Variants in CHCHD3 observed in about 807,000 individuals in gnomAD.
CHCHD3 encodes MICOS complex subunit MIC19.
Under a neutral mutation model 38.2 loss-of-function variants are expected in CHCHD3, and 20 were observed. That is an observed-to-expected ratio of 0.52 (90% CI 0.37 to 0.76). CHCHD3 has a LOEUF of 0.76. CHCHD3 is among the 30% of genes least tolerant of loss of function. CHCHD3 has a pLI of 0.00. For synonymous variants in CHCHD3, 82 were observed against 100.0 expected (o/e 0.82, Z 1.07); for missense variants, 245 against 279.2 (o/e 0.88, Z 0.87).
intron 4 of CHCHD3, among the ~76,000 whole-genome samples, chr7:132,893,824 T>G (rs943737276): frequency 1.3e-5 from 2 of 152,180 alleles, no homozygotes; most frequent in African/African-American, 2.4e-5. Context: ...CTGCTTCCCC[T>G]TTGCCTTCTG....
intron 6 of CHCHD3, among the ~76,000 whole-genome samples, chr7:132,823,979 T>G (rs1438856783): frequency 6.6e-6 from 1 of 152,160 alleles, no homozygotes; most frequent in Non-Finnish European, 1.5e-5. Context: ...TTTCCTCAAC[T>G]CTCTCCTCCC....
At chr7:133,040,734 C>T (rs1813811242) in intron 2 of CHCHD3, among the ~76,000 whole-genome samples, 1 of 152,158 alleles carries the variant, frequency 6.6e-6, no homozygotes, top group Non-Finnish European at 1.5e-5. Flanking sequence ...ATGCTTTTCA[C>T]TTGTTAATAT....
At chr7:132,951,894 A>G (rs1280540765) in intron 4 of CHCHD3, among the ~76,000 whole-genome samples, 1 of 152,200 alleles carries the variant, frequency 6.6e-6, no homozygotes. Flanking sequence ...AGAGCCCATA[A>G]ATCATGTCTT....
intron 4 of CHCHD3, among the ~76,000 whole-genome samples, chr7:132,926,239 A>C (rs1301087108): frequency 6.6e-6 from 1 of 152,228 alleles, no homozygotes; most frequent in Non-Finnish European, 1.5e-5. Context: ...ATCCCAACTT[A>C]TAAGTTACTG....
At chr7:132,958,432 G>GA (rs918081794) in intron 4 of CHCHD3, among the ~76,000 whole-genome samples, 4 of 151,486 alleles carry the variant, frequency 2.6e-5, no homozygotes, top group South Asian at 2.1e-4. Flanking sequence ...AGAAGTATGA[G>GA]AAAAAAAAGG....
intron 3 of CHCHD3, among the ~76,000 whole-genome samples, chr7:133,009,209 C>G (rs1584639523): frequency 6.6e-6 from 1 of 151,612 alleles, no homozygotes; most frequent in African/African-American, 2.4e-5. Flanking sequence ...TTAAAAAACA[C>G]AGAAATTGGC....
At chr7:132,865,852 GA>G (rs1260907165) in intron 5 of CHCHD3, among the ~76,000 whole-genome samples, 1 of 152,148 alleles carries the variant, frequency 6.6e-6, no homozygotes, top group Non-Finnish European at 1.5e-5. Context: ...ACAGACTTCA[GA>G]TGTGCCTAAT....
chr7:133,015,899 A>C (rs1259507296), intron 3 of CHCHD3, among the ~76,000 whole-genome samples: 4 of 152,074 alleles, frequency 2.6e-5, no homozygotes, highest in African/African-American at 9.7e-5. Flanking sequence ...CAGAAGGGCA[A>C]GATGAAGTAG....
intron 4 of CHCHD3, among the ~76,000 whole-genome samples, chr7:132,893,032 C>T (rs1310250221): frequency 6.6e-6 from 1 of 152,172 alleles, no homozygotes; most frequent in Admixed American, 6.5e-5. Flanking sequence ...CCTAGTGGAC[C>T]TGTGAGAAGA....
chr7:132,905,237 TA>T (rs1209517895), intron 4 of CHCHD3, among the ~76,000 whole-genome samples: 2 of 152,010 alleles, frequency 1.3e-5, no homozygotes, highest in Non-Finnish European at 2.9e-5. Context: ...CCCTAGAACT[TA>T]AAGTATAATA....
intron 6 of CHCHD3, chr7:132,815,584 A>G: frequency 2.2e-6 from 1 of 456,598 alleles, no homozygotes; most frequent in Non-Finnish European, 4.4e-6. Context: ...GACAAGAGGT[A>G]ACAAAATAAA....
At chr7:132,977,106 T>C (rs927542892) in intron 3 of CHCHD3, among the ~76,000 whole-genome samples, 1 of 152,218 alleles carries the variant, frequency 6.6e-6, no homozygotes, top group Non-Finnish European at 1.5e-5. Flanking sequence ...ACATCAATGA[T>C]ATCAACACAT....
intron 6 of CHCHD3, among the ~76,000 whole-genome samples, chr7:132,838,189 G>A (rs1807839059): frequency 6.6e-6 from 1 of 151,986 alleles, no homozygotes; most frequent in Non-Finnish European, 1.5e-5. Flanking sequence ...TAAAATACAT[G>A]GATTTGTAAC....
rs558745008 is a variant in CHCHD3 at position 133,011,565 on chromosome 7, T to G, written c.251+12981A>C. 2.0e-5 allele frequency among the ~76,000 whole-genome samples: 3 copies of G among 152,308 alleles called. No individual in the cohort carries two copies. The East Asian group carries it at 5.8e-4, about 29-fold the overall frequency. On this transcript the variant is annotated intron_variant, in intron 3 of 7. Transcript: ENST00000262570. ...CAGATGCCAGTGGTACCCCCAATGTTAGGACAACCTAAAAGGTCTCCAGGT... is the reference window on the plus strand; with the variant it reads ...CAGATGCCAGTGGTACCCCCAATGTGAGGACAACCTAAAAGGTCTCCAGGT...
At chr7:133,054,066 C>A (rs983611340) in intron 2 of CHCHD3, among the ~76,000 whole-genome samples, 3 of 152,210 alleles carry the variant, frequency 2.0e-5, no homozygotes, top group African/African-American at 7.2e-5. Flanking sequence ...AATAAAGTAC[C>A]TGTTAATGAG....
intron 2 of CHCHD3, among the ~76,000 whole-genome samples, chr7:133,060,052 T>C (rs1487615975): frequency 6.6e-6 from 1 of 152,102 alleles, no homozygotes; most frequent in Non-Finnish European, 1.5e-5. Flanking sequence ...CTAAAGAGAA[T>C]TAGTAACACA....
intron 3 of CHCHD3, among the ~76,000 whole-genome samples, chr7:133,007,703 C>A (rs1246266159): frequency 6.6e-6 from 1 of 152,172 alleles, no homozygotes; most frequent in African/African-American, 2.4e-5. Flanking sequence ...TCCCATGCTA[C>A]AATATACGTG....
chr7:132,868,570 T>C (rs1403405836), intron 5 of CHCHD3, among the ~76,000 whole-genome samples: 2 of 152,186 alleles, frequency 1.3e-5, no homozygotes, highest in African/African-American at 2.4e-5. Context: ...GTCCTTTTAA[T>C]AGACTCTTGC....
intron 6 of CHCHD3, among the ~76,000 whole-genome samples, chr7:132,835,985 C>T (rs759719451): frequency 7.9e-5 from 12 of 152,314 alleles, no homozygotes; most frequent in Admixed American, 5.2e-4. Context: ...CCAGCCCTGG[C>T]GTCACCTTGA....
Sources: gnomAD v4.1 joint callset for allele counts (sites outside exome capture counted in the v4.1 genomes callset) on GRCh38, gnomAD v4.1.1 for gene constraint, MANE v1.5 for transcripts, NCBI Gene and HGNC (gene_info 2026-07-23, HGNC 2026-07-21) for gene names.